ADAM22: variants seen among roughly 807,000 people sequenced by gnomAD.
ADAM22 encodes ADAM metallopeptidase domain 22.
In ADAM22, 65 loss-of-function variants were observed where a neutral mutation model predicts 144.6. That is an observed-to-expected ratio of 0.45 (90% CI 0.37 to 0.55). The LOEUF (loss-of-function observed/expected upper bound fraction) is 0.55. Ranked by LOEUF, ADAM22 falls within the 20% of genes least tolerant of loss-of-function variation. The pLI is 0.00. For missense variants in ADAM22, 974 were observed against 1,184.9 expected (o/e 0.82, Z 2.61); for synonymous variants, 391 against 412.6 (o/e 0.95, Z 0.63).
chr7:88,032,424 G>T (rs138525061), intron 3 of ADAM22, among the ~76,000 whole-genome samples: 2,194 of 152,316 alleles, frequency 0.014, 24 homozygotes, highest in Admixed American at 0.02. Flanking sequence ...CTCCTTTTTG[G>T]AAAGGGAGCA....
At chr7:88,075,468 G>T in intron 3 of ADAM22, among the ~76,000 whole-genome samples, 158 bp from the exon 4 acceptor site, 1 of 120,050 alleles carries the variant, frequency 8.3e-6, no homozygotes, top group Middle Eastern at 4.1e-3. Flanking sequence ...GTGTGTCTGT[G>T]TGTGTGTGTG....
intron 4 of ADAM22, among the ~76,000 whole-genome samples, chr7:88,106,707 A>G (rs941865511): frequency 6.6e-6 from 1 of 152,160 alleles, no homozygotes; most frequent in African/African-American, 2.4e-5. Context: ...TCGAACTTTA[A>G]TGTGCATATG....
chr7:88,146,324 T>G (rs1162249731), intron 17 of ADAM22, among the ~76,000 whole-genome samples: 1 of 152,232 alleles, frequency 6.6e-6, no homozygotes, highest in Non-Finnish European at 1.5e-5. Flanking sequence ...ATTTGCTGAT[T>G]GAGTAACTTT....
At chr7:87,959,702 G>T (rs1330790618) in intron 2 of ADAM22, among the ~76,000 whole-genome samples, 1 of 152,086 alleles carries the variant, frequency 6.6e-6, no homozygotes, top group Non-Finnish European at 1.5e-5. Flanking sequence ...AGAAGAAAGG[G>T]CTTCTAAAAT....
chr7:87,939,899 A>G (rs1218824069), intron 2 of ADAM22, among the ~76,000 whole-genome samples: 1 of 152,196 alleles, frequency 6.6e-6, no homozygotes, highest in Non-Finnish European at 1.5e-5. Context: ...TCACTTGTTA[A>G]GAGCAAGCCA....
chr7:88,184,607 T>A (rs1397430051), intron 29 of ADAM22, among the ~76,000 whole-genome samples: 3 of 150,806 alleles, frequency 2.0e-5, no homozygotes, highest in African/African-American at 4.9e-5. Context: ...TCTAACGCCA[T>A]TTTTTTTTGC....
intron 3 of ADAM22, among the ~76,000 whole-genome samples, chr7:87,982,068 T>TATATATATATATACACAC (rs1244517564): frequency 6.4e-5 from 6 of 93,730 alleles, no homozygotes; most frequent in Admixed American, 2.6e-4. Context: ...TATATATATA[T>TATATATATATATACACAC]ACACACACAC....
rs1358164729 is a variant in ADAM22, at chr7:88,199,857, T to G, written c.*3366T>G. Reference sequence around the variant, plus strand: ...TTAAAAAGAATTTTAAAATTGTGTTTGTATATAAGGTCAGTCTGGCATAGA... The same window carrying G: ...TTAAAAAGAATTTTAAAATTGTGTTGGTATATAAGGTCAGTCTGGCATAGA... On this transcript the variant is annotated 3_prime_UTR_variant, in exon 32 of 32. Coordinates refer to ENST00000413139, the MANE Select transcript of ADAM22 (RefSeq NM_001324418.2). 2 of 152,238 alleles carry G rather than the reference T, an allele frequency of 1.3e-5. No individual in the cohort carries two copies. Among genetic ancestry groups the G allele is most frequent in the Non-Finnish European group, 2.9e-5 (2 of 68,032 alleles). 9.4% of individuals were successfully genotyped at this position (152,238 alleles called of 1,614,324 possible). A position where few individuals can be genotyped will look rare whatever the true frequency, so the allele number is the denominator to read the frequency against.
rs1585841076 is a variant in ADAM22 at position 88,113,284 on chromosome 7, A to T, written c.474-1300A>T. 2.0e-5 allele frequency among the ~76,000 whole-genome samples: 3 copies of T among 151,522 alleles called. No individual in the cohort carries two copies. In the South Asian group the frequency reaches 6.3e-4, roughly 32 times the overall value. On this transcript the variant is annotated intron_variant, in intron 5 of 31. Coordinates refer to ENST00000413139, the MANE Select transcript of ADAM22 (RefSeq NM_001324418.2). ...TACTTTGTTTCAAATCCATCAGTAA[A>T]TCCTACTGGTTGTACCTTCAAAATA...
chr7:88,108,379 G>A, intron 5 of ADAM22, 121 bp downstream of exon 5: 1 of 782,760 alleles, frequency 1.3e-6, no homozygotes. Flanking sequence ...ATTGGTGATG[G>A]ATCTGATTTT....
rs565955831 is a variant in ADAM22, at chr7:87,995,870, A to G, written c.323+17458A>G. On this transcript the variant is annotated intron_variant, in intron 3 of 31. Coordinates refer to ENST00000413139, the MANE Select transcript of ADAM22 (RefSeq NM_001324418.2). ...ATAATTAAAAACTGTTCTCACTCATATTCTAATAAAGATAGTATCTTCTGG... is the reference window on the plus strand; with the variant it reads ...ATAATTAAAAACTGTTCTCACTCATGTTCTAATAAAGATAGTATCTTCTGG... Among the ~76,000 whole-genome samples, 12 of 152,344 alleles carry G rather than the reference A, an allele frequency of 7.9e-5. No homozygotes were observed. In the South Asian group the frequency reaches 1.7e-3, roughly 21 times the overall value.
At chr7:87,952,927 T>C (rs542579491) in intron 2 of ADAM22, among the ~76,000 whole-genome samples, 2,492 of 152,192 alleles carry the variant, frequency 0.016, 71 homozygotes, top group African/African-American at 0.057. Context: ...AGTTTATTTG[T>C]GTAGAGGTGT....
intron 7 of ADAM22, among the ~76,000 whole-genome samples, chr7:88,122,567 A>G (rs1276284132): frequency 6.6e-6 from 1 of 152,132 alleles, no homozygotes; most frequent in African/African-American, 2.4e-5. Context: ...CCGTTATAGC[A>G]TCTGCTCAAA....
chr7:87,962,729 A>G (rs1041562265), intron 2 of ADAM22, among the ~76,000 whole-genome samples: 1 of 152,022 alleles, frequency 6.6e-6, no homozygotes, highest in East Asian at 1.9e-4. Context: ...AACAACAAGC[A>G]CCAGCCACTG....
intron 3 of ADAM22, among the ~76,000 whole-genome samples, chr7:88,034,496 G>A (rs1009520379): frequency 2.4e-4 from 37 of 152,240 alleles, no homozygotes; most frequent in African/African-American, 7.9e-4. Context: ...AAGCTGTGCT[G>A]CCAGGGACTG....
At chr7:87,934,742 G>A (rs2131136978) in intron 1 of ADAM22, 192 bp downstream of exon 1, 1 of 650,896 alleles carries the variant, frequency 1.5e-6, no homozygotes, top group Non-Finnish European at 2.6e-6. Context: ...CAGATGCACT[G>A]GAAGCCTTCG....
At chr7:88,073,844 A>G (rs930965896) in intron 3 of ADAM22, among the ~76,000 whole-genome samples, 1 of 152,220 alleles carries the variant, frequency 6.6e-6, no homozygotes, top group Non-Finnish European at 1.5e-5. Flanking sequence ...CAAGTGTCTG[A>G]GAGATACTGG....
At chr7:88,031,104 A>G (rs187754705) in intron 3 of ADAM22, among the ~76,000 whole-genome samples, 1 of 149,470 alleles carries the variant, frequency 6.7e-6, no homozygotes, top group East Asian at 2.0e-4. Flanking sequence ...CGACAGAGCA[A>G]GACTCCGTCT....
intron 3 of ADAM22, among the ~76,000 whole-genome samples, chr7:88,050,597 C>T (rs1306627193): frequency 6.6e-6 from 1 of 151,912 alleles, no homozygotes; most frequent in Admixed American, 6.6e-5. Context: ...GATTTGCATT[C>T]TCTGATGGCC....
Sources: gnomAD v4.1 joint callset for allele counts (sites outside exome capture counted in the v4.1 genomes callset) on GRCh38, gnomAD v4.1.1 for gene constraint, MANE v1.5 for transcripts, NCBI Gene and HGNC (gene_info 2026-07-23, HGNC 2026-07-21) for gene names.